The following DNAH11 variants were observed in gnomAD, a reference collection of about 807,000 sequenced individuals.
DNAH11 encodes dynein axonemal heavy chain 11.
A neutral mutation model predicts 526.0 loss-of-function variants in DNAH11; 442 were observed. That is an observed-to-expected ratio of 0.84 (90% CI 0.78 to 0.91). The LOEUF is 0.91. Ranked by LOEUF, DNAH11 falls within the 40% of genes least tolerant of loss-of-function variation. The pLI is 0.00. For synonymous variants in DNAH11, 2,461 were observed against 1,935.9 expected (o/e 1.27, Z -7.12); for missense variants, 6,989 against 5,448.7 (o/e 1.28, Z -8.90).
At chr7:21,752,276 A>C (rs1786447999) in intron 54 of DNAH11, among the ~76,000 whole-genome samples, 1 of 152,228 alleles carries the variant, frequency 6.6e-6, no homozygotes, top group Non-Finnish European at 1.5e-5. Context: ...GGTAGTTTTA[A>C]AACATGCCTT....
intron 30 of DNAH11, among the ~76,000 whole-genome samples, chr7:21,663,594 G>A (rs535806811): frequency 6.6e-6 from 1 of 152,066 alleles, no homozygotes; most frequent in African/African-American, 2.4e-5. Flanking sequence ...TTTTTCAGAT[G>A]TCCTTTGGTT....
chr7:21,726,108 G>A, intron 45 of DNAH11, 124 bp downstream of exon 45: 3 of 995,210 alleles, frequency 3.0e-6, no homozygotes, highest in South Asian at 4.1e-5. Context: ...GGCTGCCCAG[G>A]AAGCATGATG....
At chr7:21,674,602 A>G (rs956283597) in intron 30 of DNAH11, among the ~76,000 whole-genome samples, 19 of 152,110 alleles carry the variant, frequency 1.2e-4, no homozygotes, top group African/African-American at 4.3e-4. Context: ...CAAGTGATCC[A>G]TCTGCCTCGG....
chr7:21,567,143 G>A (rs1416179106), intron 6 of DNAH11, among the ~76,000 whole-genome samples: 1 of 152,020 alleles, frequency 6.6e-6, no homozygotes, highest in Non-Finnish European at 1.5e-5. Context: ...TATTATCAAT[G>A]TGTAAAAGCT....
chr7:21,853,657 G>A (rs763228382), intron 67 of DNAH11, among the ~76,000 whole-genome samples: 3 of 152,204 alleles, frequency 2.0e-5, no homozygotes, highest in Non-Finnish European at 4.4e-5. Flanking sequence ...AGTAGTCCTA[G>A]ATAAAAGAAA....
chr7:21,558,437 T>C (rs986369643), intron 2 of DNAH11, among the ~76,000 whole-genome samples: 3 of 152,214 alleles, frequency 2.0e-5, no homozygotes, highest in Non-Finnish European at 2.9e-5. Context: ...CTAGCTTCCA[T>C]ATGATTCAGA....
intron 25 of DNAH11, among the ~76,000 whole-genome samples, chr7:21,634,804 C>T (rs1462627002): frequency 6.6e-6 from 1 of 151,966 alleles, no homozygotes; most frequent in African/African-American, 2.4e-5. Context: ...ATGTACCCCC[C>T]CGAACCCAAA....
chr7:21,565,785 C>T (rs1272913845), intron 6 of DNAH11, among the ~76,000 whole-genome samples: 5 of 152,106 alleles, frequency 3.3e-5, no homozygotes, highest in Non-Finnish European at 7.4e-5. Context: ...GGTGTTTAAT[C>T]GAGGCTCAGT....
In DNAH11 at chr7:21,842,635, G is replaced by C; in HGVS notation, c.10783G>C (p.Glu3595Gln). The C allele has an allele frequency of 6.2e-7, 1 of 1,613,890 alleles. No individual in the cohort carries two copies. The highest frequency in any genetic ancestry group is 8.5e-7 in the Non-Finnish European group (1 of 1,179,866). ...ATTGGCAAATCCTCACTATAAGCCGGAATTACAAGCTCAGACAACTCTCCT... is the reference window on the plus strand; with the variant it reads ...ATTGGCAAATCCTCACTATAAGCCGCAATTACAAGCTCAGACAACTCTCCT... ...TKLANPHYKPELQAQTTLLNF... is the reference protein window; with the variant it reads ...TKLANPHYKPQLQAQTTLLNF... The change falls in exon 66 of 82, where the codon GAA becomes CAA. Residue 3595 changes from glutamate (E) to glutamine (Q), a missense_variant. Physicochemically the swap from Glu to Gln is conservative, Grantham distance 29. Coordinates refer to ENST00000409508, the MANE Select transcript of DNAH11 (RefSeq NM_001277115.2).
At chr7:21,663,741 T>G (rs1037650536) in intron 30 of DNAH11, among the ~76,000 whole-genome samples, 1 of 144,280 alleles carries the variant, frequency 6.9e-6, no homozygotes, top group Non-Finnish European at 1.5e-5. Flanking sequence ...CTGATTGTCA[T>G]AAATGACAGG....
Position 21,873,355 on chromosome 7 carries a change from AG to A in DNAH11, c.12052del (p.Val4018PhefsTer3). Reference protein sequence around the residue: ...RFSQGSHRDYRVFMSAESAPT... With the variant: ...RFSQGSHRDYXVFMSAESAPT... The stretch of plus-strand genomic sequence containing the variant: ...CAGCCAAGGAAGCCACAGAGATTAC[AG>A]GGTTTTCATGAGTGCTGAGTCTGCA... On this transcript the variant is annotated frameshift_variant, in exon 74 of 82. Transcript: ENST00000409508. LOFTEE classifies it high-confidence loss of function. 2 of 1,613,790 alleles carry A rather than the reference AG, an allele frequency of 1.2e-6. No individual in the cohort carries two copies. Among genetic ancestry groups the A allele is most frequent in the Non-Finnish European group, 1.7e-6 (2 of 1,179,816 alleles).
chr7:21,604,625 A>C (rs1415681638), intron 18 of DNAH11, among the ~76,000 whole-genome samples: 1 of 152,126 alleles, frequency 6.6e-6, no homozygotes, highest in African/African-American at 2.4e-5. Flanking sequence ...CCTTGAGTGG[A>C]TCATCTGACT....
At chr7:21,869,571 A>C (rs1783420370) in intron 73 of DNAH11, among the ~76,000 whole-genome samples, 2 of 152,090 alleles carry the variant, frequency 1.3e-5, no homozygotes, top group South Asian at 4.1e-4. Flanking sequence ...ATACCAGGCC[A>C]CTGCCCAGGA....
Position 21,748,652 on chromosome 7 carries a change from G to A in DNAH11, c.8583G>A (p.Lys2861=). 6.2e-7 allele frequency: 1 copy of A among 1,613,614 alleles called. No individual in the cohort carries two copies. The highest frequency in any genetic ancestry group is 8.5e-7 in the Non-Finnish European group (1 of 1,179,622). The change falls in exon 52 of 82, where the codon AAG becomes AAA. Residue 2861 remains lysine (K), a synonymous_variant. Transcript: ENST00000409508. Reference sequence around the variant, plus strand: ...TGGTTGGAGTTGGGGGCAGTGGCAAGCAGAGCTTGTCCAGGCTGGCAGCTT... The same window carrying A: ...TGGTTGGAGTTGGGGGCAGTGGCAAACAGAGCTTGTCCAGGCTGGCAGCTT... ...ALLVGVGGSG[K]QSLSRLAAYL... is the part of the protein sequence containing the mutation.
At position 21,809,606 on chromosome 7, in the gene DNAH11, C is replaced by T. The variant is rs969784148; in HGVS notation, c.10332+1557C>T. Reference sequence around the variant, plus strand: ...GAGACGGAGTTTCCCTCTTGTTGCCCAGGCTGGAGTGCAATGGTTCAGTCT... The same window carrying T: ...GAGACGGAGTTTCCCTCTTGTTGCCTAGGCTGGAGTGCAATGGTTCAGTCT... On this transcript the variant is annotated intron_variant, in intron 63 of 81. Transcript: ENST00000409508. Among the ~76,000 whole-genome samples the T allele has an allele frequency of 2.0e-4, 30 of 152,056 alleles. 1 individual carries two copies. Among genetic ancestry groups the T allele is most frequent in the Admixed American group, 7.9e-4 (12 of 15,266 alleles).
chr7:21,813,043 G>T (rs1789604506), intron 63 of DNAH11, among the ~76,000 whole-genome samples: 1 of 152,224 alleles, frequency 6.6e-6, no homozygotes, highest in African/African-American at 2.4e-5. Context: ...CATGGGGCAT[G>T]AGTTTGAGGG....
intron 43 of DNAH11, 93 bp from the exon 44 acceptor site, chr7:21,720,632 T>G (rs1296745579): frequency 2.8e-5 from 38 of 1,347,898 alleles, no homozygotes; most frequent in Non-Finnish European, 3.6e-5. Context: ...AACTATGTAC[T>G]CTCTTAAGGA....
rs759829173 is a variant in DNAH11 at position 21,738,681 on chromosome 7, G to C, written c.7646-20G>C. On this transcript the variant is annotated intron_variant, in intron 46 of 81. Coordinates refer to ENST00000409508, the MANE Select transcript of DNAH11 (RefSeq NM_001277115.2). ...TTTACATTCTGTTGATGGGTGGACA[G>C]AAATATATGTTTATTTCAGAAATTC... is the stretch of plus-strand genomic sequence containing the variant. 40 of 1,548,866 alleles carry C rather than the reference G, an allele frequency of 2.6e-5. No individual in the cohort carries two copies. The highest frequency in any genetic ancestry group is 3.3e-5 in the Non-Finnish European group (38 of 1,147,976).
At chr7:21,550,506 T>A (rs751487157) in intron 2 of DNAH11, among the ~76,000 whole-genome samples, 1 of 152,176 alleles carries the variant, frequency 6.6e-6, no homozygotes, top group African/African-American at 2.4e-5. Flanking sequence ...CCAAGTCTTT[T>A]CTTGGGGCTG....
Sources: allele counts gnomAD v4.1 joint callset (sites outside exome capture counted in the v4.1 genomes callset), GRCh38; gene constraint gnomAD v4.1.1; transcripts MANE v1.5; gene names NCBI Gene and HGNC (gene_info 2026-07-23, HGNC 2026-07-21).